HS6ST3: variants seen among roughly 807,000 people sequenced by gnomAD.
HS6ST3 encodes heparan-sulfate 6-O-sulfotransferase 3.
A neutral mutation model predicts 36.7 loss-of-function variants in HS6ST3; 12 were observed. The observed-to-expected ratio is 0.33, with a 90% CI of 0.21 to 0.53. The LOEUF is 0.53. Ranked by LOEUF, HS6ST3 falls within the 20% of genes least tolerant of loss-of-function variation. The pLI, the probability that HS6ST3 is intolerant of heterozygous loss-of-function variation, is 0.95. For missense variants in HS6ST3, 584 were observed against 640.9 expected, an observed-to-expected ratio of 0.91 and a Z score of 0.96; for synonymous variants, 240 against 257.5, an observed-to-expected ratio of 0.93 and a Z score of 0.65.
rs931620016 is a variant in HS6ST3 at position 96,837,116 on chromosome 13, G to C, written c.*3918G>C. ...TCATGTGCCTTGATAAGCATAGGAG[G>C]TTCTGTTATTAAAGAAACAATGTGA... On this transcript the variant is annotated 3_prime_UTR_variant, in exon 2 of 2. Coordinates refer to ENST00000376705, the MANE Select transcript of HS6ST3 (RefSeq NM_153456.4). The C allele has an allele frequency of 1.3e-5, 2 of 152,178 alleles. No homozygotes were observed. The highest frequency in any genetic ancestry group is 2.9e-5 in the Non-Finnish European group (2 of 68,032). 9.4% of individuals were successfully genotyped at this position (152,178 alleles called of 1,614,324 possible). A position where few individuals can be genotyped will look rare whatever the true frequency, so the allele number is the denominator to read the frequency against.
chr13:96,199,656 A>G (rs1172918173), intron 1 of HS6ST3, among the ~76,000 whole-genome samples: 1 of 152,200 alleles, frequency 6.6e-6, no homozygotes, highest in Non-Finnish European at 1.5e-5. Context: ...TTTAAAATCT[A>G]GACTATTATT....
intron 1 of HS6ST3, among the ~76,000 whole-genome samples, chr13:96,307,406 G>A (rs2054919069): frequency 6.6e-6 from 1 of 152,030 alleles, no homozygotes; most frequent in South Asian, 2.1e-4. Context: ...CTAGATGAAT[G>A]ATATCTTAAT....
At chr13:96,464,346 A>T (rs557067686) in intron 1 of HS6ST3, among the ~76,000 whole-genome samples, 1 of 152,044 alleles carries the variant, frequency 6.6e-6, no homozygotes, top group East Asian at 1.9e-4. Context: ...CTGATCTCCC[A>T]TGTCCTTGGC....
chr13:96,357,907 A>T (rs2139434291), intron 1 of HS6ST3, among the ~76,000 whole-genome samples: 1 of 152,348 alleles, frequency 6.6e-6, no homozygotes, highest in East Asian at 1.9e-4. Flanking sequence ...AGATCACTAT[A>T]ATAGATATAA....
intron 1 of HS6ST3, among the ~76,000 whole-genome samples, chr13:96,341,320 A>G (rs1465363815): frequency 6.7e-6 from 1 of 149,748 alleles, no homozygotes; most frequent in African/African-American, 2.6e-5. Flanking sequence ...CATTTTGGAG[A>G]AGGACTAATT....
intron 1 of HS6ST3, among the ~76,000 whole-genome samples, chr13:96,412,628 G>T (rs1220798808): frequency 6.6e-6 from 1 of 152,060 alleles, no homozygotes; most frequent in Admixed American, 6.5e-5. Flanking sequence ...AGAAGAGAGA[G>T]AATTTCCACC....
intron 1 of HS6ST3, among the ~76,000 whole-genome samples, chr13:96,658,257 C>CTCTTCTTCTTCTTCTCT (rs1359185452): frequency 9.7e-5 from 10 of 103,460 alleles, no homozygotes; most frequent in Non-Finnish European, 1.9e-5. Flanking sequence ...TCTTCTTCTT[C>CTCTTCTTCTTCTTCTCT]TCTTCTTCTT....
intron 1 of HS6ST3, among the ~76,000 whole-genome samples, chr13:96,190,236 T>C (rs1277004588): frequency 6.6e-6 from 1 of 152,238 alleles, no homozygotes; most frequent in East Asian, 1.9e-4. Context: ...TTGTAGGTAC[T>C]GTTCTAGGTG....
chr13:96,773,269 A>T (rs577184581), intron 1 of HS6ST3, among the ~76,000 whole-genome samples: 2 of 152,040 alleles, frequency 1.3e-5, no homozygotes, highest in Admixed American at 6.6e-5. Context: ...TAGCTGCAGG[A>T]GTTTATTTTT....
At position 96,254,477 on chromosome 13, in the gene HS6ST3, A is replaced by G. The variant is rs1208859726; in HGVS notation, c.707+162908A>G. On this transcript the variant is annotated intron_variant, in intron 1 of 1. Transcript: ENST00000376705. Reference sequence around the variant, plus strand: ...TATATATATATATATATATATATATATATATATATATATATATATATACAC... The same window carrying G: ...TATATATATATATATATATATATATGTATATATATATATATATATATACAC... Among the ~76,000 whole-genome samples the G allele has an allele frequency of 2.8e-3, 80 of 28,248 alleles. 13 individuals are homozygous for G. The highest frequency in any genetic ancestry group is 8.6e-3 in the African/African-American group (72 of 8,398). The allele number at this position is 28,248 out of a possible 152,430, so 18.5% of individuals were successfully genotyped here.
chr13:96,464,231 G>T (rs1457270615), intron 1 of HS6ST3, among the ~76,000 whole-genome samples: 1 of 147,246 alleles, frequency 6.8e-6, no homozygotes, highest in Non-Finnish European at 1.5e-5. Flanking sequence ...CATGATGATT[G>T]CTTCCTTACC....
chr13:96,806,443 C>T (rs7331257), intron 1 of HS6ST3, among the ~76,000 whole-genome samples: 2,835 of 152,214 alleles, frequency 0.019, 84 homozygotes, highest in African/African-American at 0.065. Flanking sequence ...GATAGGATAG[C>T]TTTTTGGCCT....
chr13:96,162,257 C>G (rs536802063), intron 1 of HS6ST3, among the ~76,000 whole-genome samples: 25 of 152,062 alleles, frequency 1.6e-4, no homozygotes, highest in South Asian at 1.0e-3. Flanking sequence ...AATGAAAGAG[C>G]AGAAGGTGAA....
At chr13:96,384,774 T>C (rs1458865714) in intron 1 of HS6ST3, among the ~76,000 whole-genome samples, 1 of 152,180 alleles carries the variant, frequency 6.6e-6, no homozygotes, top group Non-Finnish European at 1.5e-5. Context: ...GACAGAGTGA[T>C]TGCATCCACT....
chr13:96,289,155 CTT>C (rs2054817764), intron 1 of HS6ST3, among the ~76,000 whole-genome samples: 1 of 152,016 alleles, frequency 6.6e-6, no homozygotes, highest in Non-Finnish European at 1.5e-5. Context: ...TAAAACAAGA[CTT>C]AAACAAATAA....
chr13:96,581,216 A>G (rs2138968903), intron 1 of HS6ST3, among the ~76,000 whole-genome samples: 1 of 141,424 alleles, frequency 7.1e-6, no homozygotes, highest in East Asian at 2.0e-4. Context: ...TCATGCAACA[A>G]CTACTATTTT....
At chr13:96,792,915 G>A (rs546735767) in intron 1 of HS6ST3, among the ~76,000 whole-genome samples, 2 of 152,102 alleles carry the variant, frequency 1.3e-5, no homozygotes, top group East Asian at 1.9e-4. Flanking sequence ...GGAAACATTC[G>A]CAGTCATCAA....
intron 1 of HS6ST3, among the ~76,000 whole-genome samples, chr13:96,609,102 T>C (rs2056448792): frequency 1.3e-5 from 2 of 151,820 alleles, no homozygotes; most frequent in Non-Finnish European, 2.9e-5. Flanking sequence ...CCCGAGTAGC[T>C]GGGACTATAG....
chr13:96,593,155 C>CT (rs2056388860), intron 1 of HS6ST3, among the ~76,000 whole-genome samples: 1 of 128,502 alleles, frequency 7.8e-6, no homozygotes, highest in Non-Finnish European at 1.7e-5. Context: ...TCTCCTCTGA[C>CT]TGTGTATTTT....
Sources: allele counts gnomAD v4.1 joint callset (sites outside exome capture counted in the v4.1 genomes callset), GRCh38; gene constraint gnomAD v4.1.1; transcripts MANE v1.5; gene names NCBI Gene and HGNC (gene_info 2026-07-23, HGNC 2026-07-21).